The following SLC9D1 variants were observed in gnomAD, a reference collection of about 807,000 sequenced individuals.
SLC9D1 encodes putative LAG1-interacting protein.
chr13:113,531,908 G>A, the SLC9D1 span, among the ~76,000 whole-genome samples: 4 of 152,252 alleles, frequency 2.6e-5, no homozygotes, highest in Non-Finnish European at 4.4e-5. Context: ...CCCTGGGGAT[G>A]GTGGCTGTGG....
At chr13:113,524,434 T>C in the SLC9D1 span, among the ~76,000 whole-genome samples, 2 of 152,168 alleles carry the variant, frequency 1.3e-5, no homozygotes, top group Non-Finnish European at 2.9e-5. Flanking sequence ...TCCTGGGTTC[T>C]AGTGATTCTC....
the SLC9D1 span, chr13:113,547,056 G>A: frequency 2.0e-6 from 1 of 511,534 alleles, no homozygotes; most frequent in Non-Finnish European, 3.5e-6. Context: ...GTTGAGGCCT[G>A]TTGCAGGGAG....
the SLC9D1 span, among the ~76,000 whole-genome samples, chr13:113,507,838 C>G: frequency 1.6e-4 from 24 of 152,380 alleles, no homozygotes; most frequent in Admixed American, 6.5e-4. Flanking sequence ...GTATAACGTA[C>G]GTGTGTGCCT....
chr13:113,518,911 T>G, the SLC9D1 span, among the ~76,000 whole-genome samples: 1 of 152,258 alleles, frequency 6.6e-6, no homozygotes, highest in Non-Finnish European at 1.5e-5. Flanking sequence ...TCAAGCCTTC[T>G]AAAACAATTA....
the SLC9D1 span, chr13:113,549,286 T>C: frequency 1.1e-6 from 1 of 932,228 alleles, no homozygotes; most frequent in East Asian, 2.7e-5. Flanking sequence ...CTCCCAGCAC[T>C]CAGCGTGACT....
chr13:113,524,104 GT>G, the SLC9D1 span: 2 of 451,722 alleles, frequency 4.4e-6, no homozygotes, highest in Non-Finnish European at 8.8e-6. Context: ...GTTGAGTGGA[GT>G]TTTTTTTAAT....
At chr13:113,537,236 A>G in the SLC9D1 span, among the ~76,000 whole-genome samples, 1 of 152,228 alleles carries the variant, frequency 6.6e-6, no homozygotes, top group Non-Finnish European at 1.5e-5. Context: ...CATTTTAATC[A>G]TTTGAAAGTC....
the SLC9D1 span, among the ~76,000 whole-genome samples, chr13:113,537,674 C>T: frequency 3.3e-5 from 5 of 152,302 alleles, 1 homozygote; most frequent in Middle Eastern, 6.8e-3. Flanking sequence ...TCCGCCTGCC[C>T]CTGGGTCGTG....
the SLC9D1 span, among the ~76,000 whole-genome samples, chr13:113,523,449 G>A: frequency 6.6e-6 from 1 of 152,088 alleles, no homozygotes; most frequent in Admixed American, 6.6e-5. Context: ...CAGAGTTTTT[G>A]TGTTGTATTC....
the SLC9D1 span, chr13:113,549,510 C>T: frequency 1.2e-6 from 2 of 1,614,092 alleles, no homozygotes; most frequent in South Asian, 2.2e-5. Flanking sequence ...AGGTGTGTGC[C>T]CAGACCGGAG....
chr13:113,548,185 C>T, the SLC9D1 span: 6 of 1,121,646 alleles, frequency 5.3e-6, no homozygotes, highest in East Asian at 7.3e-5. Context: ...CCCTACTTGA[C>T]GTGTTATTCA....
chr13:113,507,896 C>T, the SLC9D1 span, among the ~76,000 whole-genome samples: 4 of 152,224 alleles, frequency 2.6e-5, no homozygotes, highest in African/African-American at 7.2e-5. Context: ...GTCTTGGCGC[C>T]GGGGGTGCCA....
the SLC9D1 span, among the ~76,000 whole-genome samples, chr13:113,527,044 T>G: frequency 6.6e-6 from 1 of 152,228 alleles, no homozygotes; most frequent in African/African-American, 2.4e-5. Context: ...GTAAATGCAC[T>G]CTGGAATGTC....
At chr13:113,539,663 A>G in the SLC9D1 span, among the ~76,000 whole-genome samples, 1 of 152,214 alleles carries the variant, frequency 6.6e-6, no homozygotes, top group African/African-American at 2.4e-5. This position sits in a 1 kb window ranked among gnomAD's most constrained non-coding sequence, Gnocchi z 4.8. Flanking sequence ...TAGTAGCCAG[A>G]AACTGTTTTC....
At chr13:113,532,182 T>G in the SLC9D1 span, among the ~76,000 whole-genome samples, 4 of 152,152 alleles carry the variant, frequency 2.6e-5, no homozygotes, top group Non-Finnish European at 4.4e-5. Context: ...GCTGCTGTTG[T>G]GTTTTGGAGA....
At chr13:113,496,090 G>A in the SLC9D1 span, 1 of 792,146 alleles carries the variant, frequency 1.3e-6, no homozygotes, top group East Asian at 3.0e-5. Context: ...GAGAGGGAGA[G>A]TGCGTGCCCA....
At chr13:113,526,301 C>T in the SLC9D1 span, among the ~76,000 whole-genome samples, 1 of 152,086 alleles carries the variant, frequency 6.6e-6, no homozygotes, top group African/African-American at 2.4e-5. Context: ...TACAGCCATA[C>T]AGTTTCTGTT....
chr13:113,548,472 G>A, the SLC9D1 span: 16 of 1,594,224 alleles, frequency 1.0e-5, no homozygotes, highest in East Asian at 2.2e-5. Context: ...TTCCCCCCGC[G>A]GAGCGCTTCT....
At chr13:113,510,515 T>C in the SLC9D1 span, 1 of 1,258,244 alleles carries the variant, frequency 7.9e-7, no homozygotes, top group Non-Finnish European at 1.1e-6. Flanking sequence ...TGAGGAAAAA[T>C]TGCAAAGTCT....
Sources: allele counts gnomAD v4.1 joint callset (sites outside exome capture counted in the v4.1 genomes callset), GRCh38; gene constraint gnomAD v4.1.1; non-coding constraint Gnocchi (gnomAD v3.1); transcripts MANE v1.5; gene names NCBI Gene and HGNC (gene_info 2026-07-23, HGNC 2026-07-21).